RFX2: variants seen among roughly 807,000 people sequenced by gnomAD.
The protein encoded by RFX2 is regulatory factor X2, also known as DNA-binding protein RFX2.
RFX2 carries 20 observed loss-of-function variants against 87.8 expected under a neutral mutation model. That is an observed-to-expected ratio of 0.23 (90% CI 0.16 to 0.33). The LOEUF (loss-of-function observed/expected upper bound fraction) is 0.33. RFX2 is among the 10% of genes least tolerant of loss of function. The probability of loss-of-function intolerance (pLI) is 1.00; values close to 1 mark genes in which losing one functional copy is unlikely to be tolerated. For missense variants in RFX2, 767 were observed against 1,012.3 expected, an observed-to-expected ratio of 0.76 and a Z score of 3.29; for synonymous variants, 397 against 431.3, an observed-to-expected ratio of 0.92 and a Z score of 0.98.
chr19:6,086,091 CAAAAAAAA>C lies in RFX2; in HGVS notation c.-9+24294_-9+24301del, dbSNP rs11340459. Among the ~76,000 whole-genome samples, 151 of 59,446 alleles carry C rather than the reference CAAAAAAAA, an allele frequency of 2.5e-3. 2 individuals carry two copies. Among genetic ancestry groups the C allele is most frequent in the African/African-American group, 9.9e-3 (144 of 14,566 alleles). 39.0% of individuals were successfully genotyped at this position (59,446 alleles called of 152,430 possible). A position where few individuals can be genotyped will look rare whatever the true frequency, so the allele number is the denominator to read the frequency against. ...TGGGTGATAGAACAAGATCCTGTCT[CAAAAAAAA>C]AAAAAAAAAAAAAAAGGCAGGGGAG... On this transcript the variant is annotated intron_variant, in intron 1 of 17. Transcript: ENST00000303657.
chr19:6,096,596 A>G (rs28460625), intron 1 of RFX2, among the ~76,000 whole-genome samples: 11,151 of 151,898 alleles, frequency 0.073, 443 homozygotes, highest in Middle Eastern at 0.1. Flanking sequence ...ACAGGCGCCC[A>G]CCACCATGCC....
rs2144663888 is a variant in RFX2 at position 5,998,774 on chromosome 19, T to C, written c.1860-1561A>G. ...TGCGGTCACCCCGGTATCTCTGGGTTCCCAAATGGGCTCGCAGCTCCCAGA... is the reference window on the plus strand; with the variant it reads ...TGCGGTCACCCCGGTATCTCTGGGTCCCCAAATGGGCTCGCAGCTCCCAGA... On this transcript the variant is annotated intron_variant, in intron 15 of 17. Transcript: ENST00000303657. This position sits in a 1 kb window ranked among gnomAD's most constrained non-coding sequence, Gnocchi z 4.2. Among the ~76,000 whole-genome samples the C allele has an allele frequency of 6.6e-6, 1 of 152,254 alleles. No individual in the cohort carries two copies. The highest frequency in any genetic ancestry group is 1.9e-4 in the East Asian group (1 of 5,182).
chr19:6,014,492 G>C (rs2086698863), intron 7 of RFX2, among the ~76,000 whole-genome samples: 1 of 152,174 alleles, frequency 6.6e-6, no homozygotes. Flanking sequence ...TCCTGCCTTG[G>C]CCTCCCAATG....
At chr19:6,015,675 T>C (rs979222882) in intron 7 of RFX2, among the ~76,000 whole-genome samples, 3 of 151,972 alleles carry the variant, frequency 2.0e-5, no homozygotes, top group Non-Finnish European at 2.9e-5. Context: ...TAATTTTTAA[T>C]TTTTTTGTAG....
rs2086645111 is a variant in RFX2 at position 6,010,354 on chromosome 19, G to GA, written c.900-104dup. On this transcript the variant is annotated intron_variant, in intron 8 of 17. Coordinates refer to ENST00000303657, the MANE Select transcript of RFX2 (RefSeq NM_000635.4). This position sits in a 1 kb window ranked among gnomAD's most constrained non-coding sequence, Gnocchi z 5.0. ...AGGATTCAGTCAGGCATGTGTGTGT[G>GA]ATGTTTACAAGTTGCGGTCAAATAC... 1.4e-6 allele frequency: 1 copy of GA among 740,266 alleles called. No homozygotes were observed. 45.9% of individuals were successfully genotyped at this position (740,266 alleles called of 1,614,324 possible).
In RFX2 at chr19:6,001,160, C is replaced by T. The variant is rs1411858479; in HGVS notation, c.1859+655G>A. ...TTCGGAAGTCTAATGCTGCTCCCAT[C>T]CCCAGCCTGTTTCTTTCTCTCTGGA... On this transcript the variant is annotated intron_variant, in intron 15 of 17. Coordinates refer to ENST00000303657, the MANE Select transcript of RFX2 (RefSeq NM_000635.4). This position sits in a 1 kb window ranked among gnomAD's most constrained non-coding sequence, Gnocchi z 5.6. Among the ~76,000 whole-genome samples the T allele has an allele frequency of 6.6e-6, 1 of 152,212 alleles. No homozygotes were observed.
At chr19:6,067,894 C>G (rs2087536390) in intron 1 of RFX2, 1 of 152,200 alleles carries the variant, frequency 6.6e-6, no homozygotes, top group Non-Finnish European at 1.5e-5. Flanking sequence ...CCCTTTGAGA[C>G]AGACACAGTC....
chr19:6,003,701 C>T (rs1449607766), intron 13 of RFX2, among the ~76,000 whole-genome samples: 1 of 148,850 alleles, frequency 6.7e-6, no homozygotes, highest in East Asian at 2.0e-4. Flanking sequence ...ATCGCTTGAA[C>T]CCGGGAGGCA....
rs916438869 is a variant in RFX2 at position 6,001,039 on chromosome 19, C to G, written c.1859+776G>C. Reference sequence around the variant, plus strand: ...CCCTCTGGAAGCCTTGGCTCCCCTGCCCTGGTCTGCACAGGTTAGGTCTGT... The same window carrying G: ...CCCTCTGGAAGCCTTGGCTCCCCTGGCCTGGTCTGCACAGGTTAGGTCTGT... On this transcript the variant is annotated intron_variant, in intron 15 of 17. Coordinates refer to ENST00000303657, the MANE Select transcript of RFX2 (RefSeq NM_000635.4). This position sits in a 1 kb window ranked among gnomAD's most constrained non-coding sequence, Gnocchi z 5.6. Among the ~76,000 whole-genome samples the G allele has an allele frequency of 6.6e-6, 1 of 152,230 alleles. No homozygotes were observed. Among genetic ancestry groups the G allele is most frequent in the African/African-American group, 2.4e-5 (1 of 41,456 alleles).
chr19:6,094,813 T>C (rs1214327854), intron 1 of RFX2, among the ~76,000 whole-genome samples: 2 of 152,234 alleles, frequency 1.3e-5, no homozygotes, highest in Non-Finnish European at 2.9e-5. Context: ...TTACTTTCAC[T>C]TGTCTCTTTT....
intron 5 of RFX2, among the ~76,000 whole-genome samples, chr19:6,038,339 A>AAC (rs1555776483): frequency 6.0e-5 from 9 of 148,770 alleles, no homozygotes; most frequent in Admixed American, 4.7e-4. Context: ...AAAAAAAAAA[A>AAC]AAAAAAAAAA....
rs530942 is a variant in RFX2 at position 6,004,094 on chromosome 19, G to A, written c.1500+107C>T. 0.84 allele frequency: 721,835 copies of A among 855,378 alleles called. 306,734 individuals are homozygous for A. The highest frequency in any genetic ancestry group is 0.94 in the African/African-American group (57,049 of 60,510). The allele number at this position is 855,378 out of a possible 1,614,324, so 53.0% of individuals were successfully genotyped here. On this transcript the variant is annotated intron_variant, in intron 13 of 17. Coordinates refer to ENST00000303657, the MANE Select transcript of RFX2 (RefSeq NM_000635.4). This position sits in a 1 kb window ranked among gnomAD's most constrained non-coding sequence, Gnocchi z 4.8. Reference sequence around the variant, plus strand: ...TGAAGGGATCGGTTACTCTCATGACGCAGGGAAGAAGCCAGCGCTCTCTGG... The same window carrying A: ...TGAAGGGATCGGTTACTCTCATGACACAGGGAAGAAGCCAGCGCTCTCTGG...
intron 1 of RFX2, among the ~76,000 whole-genome samples, chr19:6,107,614 C>G (rs964399301): frequency 3.9e-5 from 2 of 50,776 alleles, no homozygotes; most frequent in African/African-American, 4.4e-4. Context: ...GAGACCCTGT[C>G]TCAAAAAAAA....
intron 6 of RFX2, among the ~76,000 whole-genome samples, chr19:6,018,304 G>A (rs1428475271): frequency 6.6e-6 from 1 of 152,188 alleles, no homozygotes; most frequent in African/African-American, 2.4e-5. Flanking sequence ...GCTATGGGGT[G>A]GTTCTGACGA....
Position 6,026,116 on chromosome 19 carries a change from G to T in RFX2, c.597+47C>A, listed in dbSNP as rs756363338. ...ATTTGTCTTAAAAATGTCTATGCAG[G>T]TTACAAGCAGAGCAGGGACAGGTTG... is the stretch of plus-strand genomic sequence containing the variant. On this transcript the variant is annotated intron_variant, in intron 6 of 17. Coordinates refer to ENST00000303657, the MANE Select transcript of RFX2 (RefSeq NM_000635.4). This position sits in a 1 kb window ranked among gnomAD's most constrained non-coding sequence, Gnocchi z 4.5. The T allele has an allele frequency of 1.3e-6, 2 of 1,503,330 alleles. No homozygotes were observed. Among genetic ancestry groups the T allele is most frequent in the Admixed American group, 1.7e-5 (1 of 58,218 alleles). 93.1% of individuals were successfully genotyped at this position (1,503,330 alleles called of 1,614,324 possible).
At chr19:6,053,707 C>G (rs960298657) in intron 1 of RFX2, among the ~76,000 whole-genome samples, 3 of 152,112 alleles carry the variant, frequency 2.0e-5, no homozygotes, top group Admixed American at 2.0e-4. Flanking sequence ...GTAATCCCAG[C>G]ACTTTGGGAG....
In RFX2 at chr19:6,013,036, C is replaced by G. The variant is rs367729637; in HGVS notation, c.849G>C (p.Glu283Asp). ...KPDSPLNRLQ[E>D]DTQYMAMRQQ... The stretch of plus-strand genomic sequence containing the variant: ...GCCGCATGGCCATGTACTGCGTGTC[C>G]TCCTGCAGCCGGTTCAGTGGTGAGT... Residue 283 changes from glutamate (E) to aspartate (D), a missense_variant, in exon 8 of 18, where the codon GAG (glutamate) becomes GAC (aspartate). Glu to Asp is a conservative substitution (Grantham distance 45). This residue lies in a region of RFX2 where 621 missense variants were observed against 873.0 expected (regional missense o/e 0.71). Coordinates refer to ENST00000303657, the MANE Select transcript of RFX2 (RefSeq NM_000635.4). This position sits in a 1 kb window ranked among gnomAD's most constrained non-coding sequence, Gnocchi z 4.1. The G allele has an allele frequency of 1.9e-5, 30 of 1,603,118 alleles. No individual in the cohort carries two copies. The highest frequency in any genetic ancestry group is 2.6e-5 in the Non-Finnish European group (30 of 1,175,030).
intron 1 of RFX2, among the ~76,000 whole-genome samples, chr19:6,067,079 A>G (rs1330458043): frequency 6.6e-6 from 1 of 152,318 alleles, no homozygotes; most frequent in East Asian, 1.9e-4. Flanking sequence ...ACTCTCTCTG[A>G]GGTAAGAGGG....
chr19:6,060,846 C>G (rs1032263168), intron 1 of RFX2, among the ~76,000 whole-genome samples: 2 of 152,092 alleles, frequency 1.3e-5, no homozygotes, highest in Non-Finnish European at 2.9e-5. Context: ...GTGCCCCTCC[C>G]CTGTCACACT....
Sources: gnomAD v4.1 joint callset for allele counts (sites outside exome capture counted in the v4.1 genomes callset) on GRCh38, gnomAD v4.1.1 for gene constraint, gnomAD v4.1.1 regional missense constraint, Gnocchi (gnomAD v3.1) non-coding constraint, MANE v1.5 for transcripts, NCBI Gene and HGNC (gene_info 2026-07-23, HGNC 2026-07-21) for gene names.